Variants in SLC25A13 observed in about 807,000 individuals in gnomAD.
The protein encoded by SLC25A13 is electrogenic aspartate/glutamate antiporter SLC25A13, mitochondrial.
Under a neutral mutation model 85.5 loss-of-function variants are expected in SLC25A13, and 70 were observed. That is an observed-to-expected ratio of 0.82 (90% CI 0.68 to 1.00). The LOEUF (loss-of-function observed/expected upper bound fraction) is 1.00, where lower values mean the gene tolerates loss of function less well. Among genes scored for constraint, SLC25A13 ranks in the 50% least tolerant of loss-of-function variants. The pLI, the probability that SLC25A13 is intolerant of heterozygous loss-of-function variation, is 0.00. For missense variants in SLC25A13, 765 were observed against 819.8 expected, an observed-to-expected ratio of 0.93 and a Z score of 0.82; for synonymous variants, 259 against 288.7, an observed-to-expected ratio of 0.90 and a Z score of 1.04.
At chr7:96,312,894 G>A (rs950504983) in intron 1 of SLC25A13, among the ~76,000 whole-genome samples, 1 of 152,206 alleles carries the variant, frequency 6.6e-6, no homozygotes, top group African/African-American at 2.4e-5. Context: ...CTCCATGGCC[G>A]TAGAAGGGTT....
Position 96,125,494 on chromosome 7 carries a change from A to AG in SLC25A13, c.1592-3498dup, listed in dbSNP as rs551832675. Among the ~76,000 whole-genome samples, 43 of 152,260 alleles carry AG rather than the reference A, an allele frequency of 2.8e-4. 2 individuals are homozygous for AG. The South Asian group carries it at 8.7e-3, about 31-fold the overall frequency. On this transcript the variant is annotated intron_variant, in intron 15 of 17. Transcript: ENST00000265631. ...CTTTAGTTTTGCCTTCCCCCTCCTG[A>AG]GTGTTAGTGTGCCCAGGAACATAAT...
At position 96,316,587 on chromosome 7, in the gene SLC25A13, G is replaced by C. The variant is rs1476903459; in HGVS notation, c.15+5355C>G. Among the ~76,000 whole-genome samples, 4 of 152,188 alleles carry C rather than the reference G, an allele frequency of 2.6e-5. No homozygotes were observed. In the East Asian group the frequency reaches 7.7e-4, roughly 29 times the overall value. ...TGGCAAGGTTCAAATCAAGACTGTA[G>C]CACTTACCTGTTGCACAAGCGTGAG... On this transcript the variant is annotated intron_variant, in intron 1 of 17. Transcript: ENST00000265631.
chr7:96,246,299 T>G (rs1349836064), intron 3 of SLC25A13, among the ~76,000 whole-genome samples: 2 of 152,238 alleles, frequency 1.3e-5, no homozygotes, highest in Non-Finnish European at 2.9e-5. Context: ...CCATATTACC[T>G]ATGTTTGTTC....
intron 1 of SLC25A13, among the ~76,000 whole-genome samples, chr7:96,315,911 T>C (rs1800109241): frequency 6.6e-6 from 1 of 150,892 alleles, no homozygotes. Flanking sequence ...AGGTTAAATA[T>C]ACAGCCCAAA....
chr7:96,244,918 T>C (rs1011645486), intron 3 of SLC25A13, among the ~76,000 whole-genome samples: 1 of 152,196 alleles, frequency 6.6e-6, no homozygotes, highest in South Asian at 2.1e-4. Context: ...CCTATAAATA[T>C]CACCTCTGCA....
chr7:96,188,981 C>T (rs1794738484), intron 9 of SLC25A13, among the ~76,000 whole-genome samples: 2 of 152,328 alleles, frequency 1.3e-5, no homozygotes, highest in South Asian at 4.1e-4. Context: ...GGGATTCTTT[C>T]GCTACATCTC....
At chr7:96,153,415 CCA>C (rs1299716457) in intron 13 of SLC25A13, among the ~76,000 whole-genome samples, 2 of 152,220 alleles carry the variant, frequency 1.3e-5, no homozygotes, top group Non-Finnish European at 2.9e-5. Flanking sequence ...CAGCTGATGA[CCA>C]CAGAGGTGAG....
At chr7:96,139,945 C>CTTTTTTTTTTTTTTTT (rs59749381) in intron 14 of SLC25A13, among the ~76,000 whole-genome samples, 1 of 86,364 alleles carries the variant, frequency 1.2e-5, no homozygotes, top group Non-Finnish European at 2.2e-5. Flanking sequence ...GATTTCCATT[C>CTTTTTTTTTTTTTTTT]TTTTTTTTTT....
chr7:96,135,739 CA>C (rs1792257856), intron 14 of SLC25A13, among the ~76,000 whole-genome samples: 1 of 151,696 alleles, frequency 6.6e-6, no homozygotes, highest in African/African-American at 2.4e-5. Flanking sequence ...CCTGCATCAG[CA>C]ACACAAAAAT....
chr7:96,253,982 C>T (rs946207416), intron 3 of SLC25A13, among the ~76,000 whole-genome samples: 24 of 152,110 alleles, frequency 1.6e-4, no homozygotes, highest in Non-Finnish European at 2.2e-4. Context: ...TCAAAACACA[C>T]GACTAAGAGA....
In SLC25A13 at chr7:96,121,185, A is replaced by G. The variant is rs1480281231; in HGVS notation, c.*6T>C. On this transcript the variant is annotated 3_prime_UTR_variant, in exon 18 of 18. Transcript: ENST00000265631. The stretch of plus-strand genomic sequence containing the variant: ...AAAAGACAGCACTATCCCAGGGCTG[A>G]TCTTCCTATGGGCCTCCACCAATAG... 4 of 1,613,994 alleles carry G rather than the reference A, an allele frequency of 2.5e-6. No individual in the cohort carries two copies.
At chr7:96,147,206 C>A (rs767425262) in intron 13 of SLC25A13, among the ~76,000 whole-genome samples, 1 of 152,108 alleles carries the variant, frequency 6.6e-6, no homozygotes, top group Non-Finnish European at 1.5e-5. Context: ...AAACTGCCAG[C>A]GAACACGTAA....
chr7:96,184,841 T>C (rs1794563271), intron 10 of SLC25A13, 86 bp downstream of exon 10: 1 of 1,159,760 alleles, frequency 8.6e-7, no homozygotes. Flanking sequence ...GAGAAGACTT[T>C]GTCCTTTAAC....
chr7:96,301,818 C>G (rs1799558668), intron 1 of SLC25A13, among the ~76,000 whole-genome samples: 1 of 151,906 alleles, frequency 6.6e-6, no homozygotes, highest in Non-Finnish European at 1.5e-5. Flanking sequence ...TTTGTAGAGA[C>G]AGTCTCACTA....
chr7:96,139,950 T>C (rs1792452981), intron 14 of SLC25A13, among the ~76,000 whole-genome samples: 1 of 42,098 alleles, frequency 2.4e-5, no homozygotes, highest in Admixed American at 2.2e-4. Context: ...CCATTCTTTT[T>C]TTTTTTTTTT....
chr7:96,249,750 AGGAAAT>A (rs1797338486), intron 3 of SLC25A13, among the ~76,000 whole-genome samples: 1 of 152,122 alleles, frequency 6.6e-6, no homozygotes, highest in Non-Finnish European at 1.5e-5. Context: ...TTTTTGCAAG[AGGAAAT>A]TAAGCTACAC....
chr7:96,308,289 G>A (rs186610196), intron 1 of SLC25A13, among the ~76,000 whole-genome samples: 47 of 152,236 alleles, frequency 3.1e-4, no homozygotes, highest in African/African-American at 9.6e-4. Context: ...ATCTAGCAGC[G>A]CCTTGCTTCC....
chr7:96,223,050 C>T (rs1796193975), intron 4 of SLC25A13, among the ~76,000 whole-genome samples: 1 of 152,020 alleles, frequency 6.6e-6, no homozygotes, highest in Admixed American at 6.6e-5. Flanking sequence ...TCACTGACCT[C>T]TGTGAGATTT....
chr7:96,188,500 C>T (rs1001362727), intron 9 of SLC25A13, among the ~76,000 whole-genome samples: 4 of 152,222 alleles, frequency 2.6e-5, no homozygotes, highest in African/African-American at 9.6e-5. Flanking sequence ...TGCGAAGTCT[C>T]ACAGGATTCA....
Sources: allele counts gnomAD v4.1 joint callset (sites outside exome capture counted in the v4.1 genomes callset), GRCh38; gene constraint gnomAD v4.1.1; transcripts MANE v1.5; gene names NCBI Gene and HGNC (gene_info 2026-07-23, HGNC 2026-07-21).